The following KMT2E variants were observed in gnomAD, a reference collection of about 807,000 sequenced individuals.
KMT2E encodes the protein histone reader KMT2E.
KMT2E carries 30 observed loss-of-function variants against 184.6 expected under a neutral mutation model. The ratio of observed to expected loss-of-function variants is 0.16; its 90% CI spans 0.12 to 0.22. KMT2E has a LOEUF of 0.22. KMT2E is among the 10% of genes least tolerant of loss of function. The pLI is 1.00. For missense variants in KMT2E, 2,023 were observed against 2,237.4 expected (o/e 0.90, Z 1.93); for synonymous variants, 815 against 776.5 (o/e 1.05, Z -0.82).
intron 1 of KMT2E, among the ~76,000 whole-genome samples, chr7:105,019,456 G>A (rs1300421641): frequency 6.6e-6 from 1 of 152,046 alleles, no homozygotes; most frequent in Non-Finnish European, 1.5e-5. Context: ...TTGGGATGTT[G>A]GACATTTTCA....
At chr7:105,091,658 G>T (rs1584784999) in intron 15 of KMT2E, 32 of 318,106 alleles carry the variant, frequency 1.0e-4, no homozygotes, top group East Asian at 2.1e-4. Context: ...CTCATGATTT[G>T]AAATATAATA....
chr7:105,075,006 A>G (rs895991550), intron 8 of KMT2E, among the ~76,000 whole-genome samples, 191 bp downstream of exon 8: 18 of 152,224 alleles, frequency 1.2e-4, no homozygotes, highest in Non-Finnish European at 2.5e-4. Context: ...ATTAGAGAAG[A>G]AACTTTGCAA....
chr7:105,097,013 G>C (rs1438149710), intron 15 of KMT2E, among the ~76,000 whole-genome samples: 2 of 152,272 alleles, frequency 1.3e-5, no homozygotes, highest in East Asian at 3.9e-4. Context: ...TCCTAAACTT[G>C]TATACCCTTG....
intron 19 of KMT2E, 49 bp downstream of exon 19, chr7:105,106,052 ACATACAG>A: frequency 6.5e-7 from 1 of 1,538,640 alleles, no homozygotes; most frequent in Non-Finnish European, 8.8e-7. Context: ...GGCAGGGCAT[ACATACAG>A]CTTTATAACA....
intron 1 of KMT2E, among the ~76,000 whole-genome samples, chr7:105,014,932 G>C (rs1021613572): frequency 2.0e-5 from 3 of 152,138 alleles, no homozygotes; most frequent in Non-Finnish European, 2.9e-5. Flanking sequence ...TCTCAACCGC[G>C]TCTTGTTCAG....
intron 3 of KMT2E, among the ~76,000 whole-genome samples, chr7:105,060,566 A>G (rs1201163255): frequency 6.6e-6 from 1 of 151,414 alleles, no homozygotes; most frequent in African/African-American, 2.4e-5. Flanking sequence ...AGCTAGGACT[A>G]CAGACGTGTG....
Position 105,114,404 on chromosome 7 carries a change from CAG to C in KMT2E, c.*1072_*1073del, listed in dbSNP as rs1293648035. Reference sequence around the variant, plus strand: ...GAAAATATGGGTAGTTTGCCCAAAACAGGAAAATTTGTCTTGGGTGTAAAAAC... The same window carrying C: ...GAAAATATGGGTAGTTTGCCCAAAACGAAAATTTGTCTTGGGTGTAAAAAC... On this transcript the variant is annotated 3_prime_UTR_variant, in exon 27 of 27. Coordinates refer to ENST00000311117, the MANE Select transcript of KMT2E (RefSeq NM_182931.3). The C allele has an allele frequency of 3.9e-5, 6 of 152,164 alleles. No individual in the cohort carries two copies. In the East Asian group the frequency reaches 9.6e-4, roughly 24 times the overall value. 9.4% of individuals were successfully genotyped at this position (152,164 alleles called of 1,614,324 possible). A position where few individuals can be genotyped will look rare whatever the true frequency, so the allele number is the denominator to read the frequency against.
chr7:105,112,667 A>C lies in KMT2E; in HGVS notation c.4911A>C (p.Gly1637=). The C allele has an allele frequency of 6.2e-7, 1 of 1,613,726 alleles. No individual in the cohort carries two copies. Among genetic ancestry groups the C allele is most frequent in the African/African-American group, 1.3e-5 (1 of 74,882 alleles). ...CTCCTCCACCACCACCTGCTCCAGG[A>C]CCGCACCTTGTACAACAGCCGAATT... The part of the protein sequence containing the change: ...PPPPPPPPAP[G]PHLVQQPNSH... Residue 1637 remains glycine (G), a synonymous_variant, in exon 27 of 27, where the codon GGA becomes GGC. Coordinates refer to ENST00000311117, the MANE Select transcript of KMT2E (RefSeq NM_182931.3).
chr7:105,068,757 G>A (rs1375518049), intron 6 of KMT2E, among the ~76,000 whole-genome samples: 1 of 151,122 alleles, frequency 6.6e-6, no homozygotes. Flanking sequence ...TTACAGGCGA[G>A]AGCCACCTTG....
chr7:105,077,257 G>A lies in KMT2E; in HGVS notation c.1000-46G>A, dbSNP rs756741789. On this transcript the variant is annotated intron_variant, in intron 10 of 26. Transcript: ENST00000311117. ...TATATTGTGAATTTTTAGTTAAACT[G>A]AAAACAAGCAAGTTTATTTAATCTC... is the stretch of plus-strand genomic sequence containing the variant. The A allele has an allele frequency of 2.5e-6, 4 of 1,601,090 alleles. No homozygotes were observed. In the South Asian group the frequency reaches 4.4e-5, roughly 18 times the overall value.
intron 3 of KMT2E, among the ~76,000 whole-genome samples, chr7:105,060,919 G>A: frequency 6.6e-6 from 1 of 152,188 alleles, no homozygotes; most frequent in East Asian, 1.9e-4. Flanking sequence ...CTAGGTTTGT[G>A]TAAAGTACAC....
Position 105,063,379 on chromosome 7 carries a change from C to G in KMT2E, c.215C>G (p.Pro72Arg), listed in dbSNP as rs747436302. ...ADHNYGARPPPTPPASPPPSV... is the reference protein window; with the variant it reads ...ADHNYGARPPRTPPASPPPSV... The stretch of plus-strand genomic sequence containing the variant: ...CATAATTATGGTGCTCGTCCTCCTC[C>G]GACACCTCCGGCTTCCCCTCCTCCA... Residue 72 changes from proline to arginine, a missense_variant, in exon 5 of 27, where the codon CCG (proline) becomes CGG (arginine). Pro to Arg is a moderately radical substitution (Grantham distance 103). This residue lies in a region of KMT2E where 48 missense variants were observed against 51.5 expected (regional missense o/e 0.93). Coordinates refer to ENST00000311117, the MANE Select transcript of KMT2E (RefSeq NM_182931.3). The G allele has an allele frequency of 6.2e-7, 1 of 1,612,114 alleles. No homozygotes were observed. The highest frequency in any genetic ancestry group is 8.5e-7 in the Non-Finnish European group (1 of 1,179,014).
At chr7:105,110,714 TA>T (rs1034156297) in intron 25 of KMT2E, 56 bp from the exon 26 acceptor site, 1 of 1,580,794 alleles carries the variant, frequency 6.3e-7, no homozygotes, top group African/African-American at 1.3e-5. Context: ...TTTGTGGTGT[TA>T]AAACAGTGTT....
intron 15 of KMT2E, among the ~76,000 whole-genome samples, chr7:105,096,964 T>G (rs182616608): frequency 2.6e-5 from 4 of 152,350 alleles, no homozygotes; most frequent in Admixed American, 1.3e-4. Flanking sequence ...AGATTACCAG[T>G]GTACATGTGT....
At chr7:105,088,177 A>G (rs1798062623) in intron 13 of KMT2E, among the ~76,000 whole-genome samples, 1 of 152,182 alleles carries the variant, frequency 6.6e-6, no homozygotes, top group South Asian at 2.1e-4. Flanking sequence ...GTCACTGACT[A>G]CGTAACCTTG....
intron 19 of KMT2E, 73 bp from the exon 20 acceptor site, chr7:105,106,449 C>T (rs956159535): frequency 7.4e-7 from 1 of 1,352,502 alleles, no homozygotes; most frequent in African/African-American, 1.5e-5. Flanking sequence ...TTATCTTTCC[C>T]AGAATGTGAC....
At chr7:105,072,558 G>T (rs1180394726) in intron 6 of KMT2E, among the ~76,000 whole-genome samples, 2 of 152,092 alleles carry the variant, frequency 1.3e-5, no homozygotes, top group Non-Finnish European at 1.5e-5. Flanking sequence ...GAAAAAGTTG[G>T]GGGGGAATGT....
intron 23 of KMT2E, 42 bp from the exon 24 acceptor site, chr7:105,110,238 T>C (rs1799153700): frequency 8.9e-6 from 13 of 1,459,934 alleles, no homozygotes; most frequent in Non-Finnish European, 1.3e-5. Context: ...TAACTAGCAG[T>C]AGTTTCTTTC....
intron 3 of KMT2E, among the ~76,000 whole-genome samples, chr7:105,060,593 GT>G (rs557491899): frequency 9.1e-4 from 132 of 145,220 alleles, no homozygotes; most frequent in African/African-American, 2.6e-3. Context: ...CGCTTGGCTA[GT>G]TTTTTTTTTT....
Sources: allele counts gnomAD v4.1 joint callset (sites outside exome capture counted in the v4.1 genomes callset), GRCh38; gene constraint gnomAD v4.1.1; regional missense constraint gnomAD v4.1.1; transcripts MANE v1.5; gene names NCBI Gene and HGNC (gene_info 2026-07-23, HGNC 2026-07-21).